JAKMIP3: variants seen among roughly 807,000 people sequenced by gnomAD.
The protein encoded by JAKMIP3 is Janus kinase and microtubule interacting protein 3.
JAKMIP3 carries 58 observed loss-of-function variants against 118.5 expected under a neutral mutation model. The ratio of observed to expected loss-of-function variants is 0.49; its 90% CI spans 0.40 to 0.61. JAKMIP3 has a LOEUF of 0.61. Among genes scored for constraint, JAKMIP3 ranks in the 20% least tolerant of loss-of-function variants. The pLI is 0.00. For synonymous variants in JAKMIP3, 486 were observed against 451.2 expected (o/e 1.08, Z -0.98); for missense variants, 950 against 1,109.0 (o/e 0.86, Z 2.04).
At chr10:132,107,776 C>T (rs2046141618) in intron 2 of JAKMIP3, among the ~76,000 whole-genome samples, 3 of 152,224 alleles carry the variant, frequency 2.0e-5, no homozygotes, top group South Asian at 2.1e-4. Context: ...GTGGGCCTGT[C>T]GACGGCATCC....
At chr10:132,145,382 T>A in intron 12 of JAKMIP3, 136 bp from the exon 13 acceptor site, 1 of 961,624 alleles carries the variant, frequency 1.0e-6, no homozygotes, top group Non-Finnish European at 1.6e-6. Flanking sequence ...CCCGGCTAAT[T>A]TTTGTATTTT....
intron 2 of JAKMIP3, among the ~76,000 whole-genome samples, chr10:132,107,559 C>T (rs1464787724): frequency 1.3e-5 from 2 of 152,234 alleles, no homozygotes; most frequent in East Asian, 1.9e-4. Flanking sequence ...AGCTCCTCAT[C>T]CTGGACGCCC....
intron 9 of JAKMIP3, among the ~76,000 whole-genome samples, chr10:132,138,625 A>G (rs1472007064): frequency 1.3e-5 from 2 of 152,238 alleles, no homozygotes; most frequent in African/African-American, 4.8e-5. Context: ...TATCATTTTT[A>G]ATAAACTTGT....
Position 132,139,316 on chromosome 10 carries a change from GTGTA to G in JAKMIP3, c.1345-1131_1345-1128del, listed in dbSNP as rs1266665075. ...TCTGTGTATGTGTGTGAGTGTGTAT[GTGTA>G]TGTGTGTGTGTTTGTATGTGTGTAC... On this transcript the variant is annotated intron_variant, in intron 9 of 23. Transcript: ENST00000684848. Among the ~76,000 whole-genome samples the G allele has an allele frequency of 3.0e-4, 37 of 124,418 alleles. 8 individuals carry two copies. Among genetic ancestry groups the G allele is most frequent in the African/African-American group, 1.1e-3 (29 of 27,140 alleles). The allele number at this position is 124,418 out of a possible 152,430, so 81.6% of individuals were successfully genotyped here.
At chr10:132,109,226 C>T (rs1303148270) in intron 2 of JAKMIP3, among the ~76,000 whole-genome samples, 1 of 151,780 alleles carries the variant, frequency 6.6e-6, no homozygotes, top group Non-Finnish European at 1.5e-5. Context: ...TGGCTTGAGC[C>T]CAGGAGGTCA....
chr10:132,139,399 TGA>T (rs1169359961), intron 9 of JAKMIP3, among the ~76,000 whole-genome samples: 3 of 123,352 alleles, frequency 2.4e-5, no homozygotes, highest in African/African-American at 1.0e-4. Context: ...TATGAGTATG[TGA>T]GTGTGTATGT....
rs763932082 is a variant in JAKMIP3 at position 132,180,632 on chromosome 10, T to G, written c.*1104-1725T>G. On this transcript the variant is annotated intron_variant, in intron 23 of 23. Transcript: ENST00000684848. ...GTGTGTGTGCGTGTGTGTGCGTGTG[T>G]GCGTGCGTGTGTGCGTGTGCGTGTG... 8.8e-4 allele frequency among the ~76,000 whole-genome samples: 28 copies of G among 31,974 alleles called. 10 individuals are homozygous for G. The highest frequency in any genetic ancestry group is 6.5e-3 in the South Asian group (5 of 766). 21.0% of individuals were successfully genotyped at this position (31,974 alleles called of 152,430 possible). A position where few individuals can be genotyped will look rare whatever the true frequency, so the allele number is the denominator to read the frequency against.
chr10:132,078,012 A>G (rs1184384513), intron 1 of JAKMIP3, among the ~76,000 whole-genome samples: 1 of 152,126 alleles, frequency 6.6e-6, no homozygotes, highest in Non-Finnish European at 1.5e-5. Context: ...GGGTTTCACT[A>G]TGTTGGCCAG....
At chr10:132,134,685 C>T (rs1305231749) in intron 4 of JAKMIP3, among the ~76,000 whole-genome samples, 2 of 152,238 alleles carry the variant, frequency 1.3e-5, no homozygotes, top group Non-Finnish European at 2.9e-5. Flanking sequence ...CAGACGTCCT[C>T]CTGGCATCAC....
intron 1 of JAKMIP3, among the ~76,000 whole-genome samples, chr10:132,048,861 C>T (rs1475505549): frequency 6.6e-6 from 1 of 152,058 alleles, no homozygotes; most frequent in South Asian, 2.1e-4. Context: ...AGGATAGTCT[C>T]GATCTCCTGA....
At chr10:132,036,423 G>T (rs573657969), upstream of JAKMIP3, among the ~76,000 whole-genome samples, 750 of 152,276 alleles carry the variant, frequency 4.9e-3, 8 homozygotes, top group African/African-American at 0.017. Context: ...GTCCCTCTAA[G>T]CCGGCGGCGC....
At chr10:132,062,303 A>C (rs2038421851), upstream of JAKMIP3, among the ~76,000 whole-genome samples, 1 of 152,238 alleles carries the variant, frequency 6.6e-6, no homozygotes, top group African/African-American at 2.4e-5. Context: ...AGCAGCTTGC[A>C]GTGCTGAAAC....
In JAKMIP3 at chr10:132,117,162, A is replaced by G; in HGVS notation, c.221A>G (p.Glu74Gly). The G allele has an allele frequency of 6.2e-7, 1 of 1,613,828 alleles. No homozygotes were observed. The highest frequency in any genetic ancestry group is 8.5e-7 in the Non-Finnish European group (1 of 1,179,900). The change falls in exon 3 of 24, where the codon GAG becomes GGG. Residue 74 changes from glutamate (E) to glycine (G), a missense_variant. By Grantham distance (98) the Glu-to-Gly change is moderately conservative (BLOSUM62 -2). Coordinates refer to ENST00000684848, the MANE Select transcript of JAKMIP3 (RefSeq NM_001323087.2). This position sits in a 1 kb window ranked among gnomAD's most constrained non-coding sequence, Gnocchi z 8.6. Reference sequence around the variant, plus strand: ...CATAAGACCGCGGTCTTGCTCACGGAGCTCAAGACAAAGCTGCACGAGGAG... The same window carrying G: ...CATAAGACCGCGGTCTTGCTCACGGGGCTCAAGACAAAGCTGCACGAGGAG... ...EQHKTAVLLT[E>G]LKTKLHEEKM...
At chr10:132,130,023 G>T (rs1402494753) in intron 3 of JAKMIP3, among the ~76,000 whole-genome samples, 1 of 151,986 alleles carries the variant, frequency 6.6e-6, no homozygotes, top group African/African-American at 2.4e-5. Context: ...AATTCCCAAG[G>T]GTTAATTCCC....
chr10:132,056,804 C>T (rs1053009696), intron 1 of JAKMIP3, among the ~76,000 whole-genome samples: 1 of 152,214 alleles, frequency 6.6e-6, no homozygotes, highest in African/African-American at 2.4e-5. Flanking sequence ...CATCGCCACC[C>T]ACACCCACTG....
chr10:132,142,330 G>A (rs2053679543), intron 11 of JAKMIP3, among the ~76,000 whole-genome samples: 1 of 152,208 alleles, frequency 6.6e-6, no homozygotes, highest in Non-Finnish European at 1.5e-5. Flanking sequence ...GTGGTGGCAG[G>A]GGCCCACAGC....
intron 1 of JAKMIP3, among the ~76,000 whole-genome samples, chr10:132,097,100 C>T (rs1017778688): frequency 2.0e-5 from 3 of 152,234 alleles, no homozygotes; most frequent in African/African-American, 4.8e-5. Flanking sequence ...AGAACGGCAA[C>T]GTTAGAAATG....
At chr10:132,053,806 G>C (rs1370651878) in intron 1 of JAKMIP3, among the ~76,000 whole-genome samples, 12 of 151,776 alleles carry the variant, frequency 7.9e-5, no homozygotes, top group Admixed American at 7.9e-4. Flanking sequence ...AGGCCGAGGC[G>C]GGCAGATCAC....
intron 1 of JAKMIP3, among the ~76,000 whole-genome samples, chr10:132,081,932 A>G (rs1286157756): frequency 6.6e-6 from 1 of 151,044 alleles, no homozygotes; most frequent in Middle Eastern, 3.2e-3. Flanking sequence ...TTTCGTGCAC[A>G]TAGGGATTTT....
Sources: allele counts gnomAD v4.1 joint callset (sites outside exome capture counted in the v4.1 genomes callset), GRCh38; gene constraint gnomAD v4.1.1; non-coding constraint Gnocchi (gnomAD v3.1); transcripts MANE v1.5; gene names NCBI Gene and HGNC (gene_info 2026-07-23, HGNC 2026-07-21).